The following LDHB variants were observed in gnomAD, a reference collection of about 807,000 sequenced individuals.
LDHB encodes the protein lactate dehydrogenase B, also known as L-lactate dehydrogenase B chain.
A neutral mutation model predicts 33.4 loss-of-function variants in LDHB; 18 were observed. The ratio of observed to expected loss-of-function variants is 0.54; its 90% CI spans 0.37 to 0.80. The LOEUF (loss-of-function observed/expected upper bound fraction) is 0.80, where lower values mean the gene tolerates loss of function less well. Among genes scored for constraint, LDHB ranks in the 30% least tolerant of loss-of-function variants. The pLI is 0.00. For synonymous variants in LDHB, 121 were observed against 140.6 expected (o/e 0.86, Z 0.98); for missense variants, 345 against 407.9 (o/e 0.85, Z 1.33).
intron 3 of LDHB, among the ~76,000 whole-genome samples, chr12:21,645,863 T>C (rs957838594): frequency 2.0e-5 from 3 of 152,178 alleles, no homozygotes; most frequent in African/African-American, 7.2e-5. Context: ...TCCGTGTCTC[T>C]TTTCTCCAGT....
chr12:21,650,731 G>A (rs549260587), intron 2 of LDHB, among the ~76,000 whole-genome samples: 1 of 152,316 alleles, frequency 6.6e-6, no homozygotes, highest in East Asian at 1.9e-4. Context: ...CATGAGTGAA[G>A]CTTACAAGTA....
At chr12:21,650,713 T>C (rs942189385) in intron 2 of LDHB, among the ~76,000 whole-genome samples, 4 of 152,224 alleles carry the variant, frequency 2.6e-5, no homozygotes, top group African/African-American at 9.6e-5. Flanking sequence ...TGACCAAGTT[T>C]GACAAAACAT....
chr12:21,637,230 A>C (rs1246947480), intron 6 of LDHB, 36 bp from the exon 7 acceptor site: 2 of 1,528,508 alleles, frequency 1.3e-6, no homozygotes, highest in African/African-American at 1.4e-5. Context: ...CTGAAATAAG[A>C]CTCAATCATT....
In LDHB at chr12:21,641,935, CTT is replaced by C. The variant is rs79867159; in HGVS notation, c.595+15_595+16del. 2.4e-6 allele frequency: 3 copies of C among 1,275,456 alleles called. No individual in the cohort carries two copies. Among genetic ancestry groups the C allele is most frequent in the Non-Finnish European group, 3.3e-6 (3 of 917,058 alleles). 79.0% of individuals were successfully genotyped at this position (1,275,456 alleles called of 1,614,324 possible). On this transcript the variant is annotated intron_variant, in intron 5 of 7. Coordinates refer to ENST00000350669, the MANE Select transcript of LDHB (RefSeq NM_002300.8). The stretch of plus-strand genomic sequence containing the variant: ...AAACCAACATCACAAGTAATTATTT[CTT>C]TTTTTTTTCTTTACCACTTGAGTCG...
In LDHB at chr12:21,647,027, A is replaced by G; in HGVS notation, c.130-11T>C. 6.4e-7 allele frequency: 1 copy of G among 1,563,226 alleles called. No individual in the cohort carries two copies. The highest frequency in any genetic ancestry group is 8.8e-7 in the Non-Finnish European group (1 of 1,134,262). On this transcript the variant is annotated splice_polypyrimidine_tract_variant and intron_variant, in intron 2 of 7. Coordinates refer to ENST00000350669, the MANE Select transcript of LDHB (RefSeq NM_002300.8). ...TTCATCAGCCAGAGACTGTAAACGC[A>G]AAAACAGGCATTAGAACCCTAAGCC...
chr12:21,638,000 G>A (rs1938263067), intron 6 of LDHB, among the ~76,000 whole-genome samples: 1 of 151,876 alleles, frequency 6.6e-6, no homozygotes, highest in Admixed American at 6.6e-5. Flanking sequence ...CAGCAAGCAA[G>A]TTTATTTATT....
intron 4 of LDHB, chr12:21,643,528 T>G (rs1938429627): frequency 5.6e-6 from 1 of 178,298 alleles, no homozygotes. Context: ...TATGCTTCTT[T>G]TCAAAGTTGA....
intron 2 of LDHB, among the ~76,000 whole-genome samples, chr12:21,652,983 T>C (rs1381428206): frequency 1.3e-5 from 2 of 152,196 alleles, no homozygotes; most frequent in Non-Finnish European, 2.9e-5. Context: ...CCTTTACATA[T>C]GATACAAAGG....
At chr12:21,637,550 A>G (rs1938251393) in intron 6 of LDHB, among the ~76,000 whole-genome samples, 1 of 152,134 alleles carries the variant, frequency 6.6e-6, no homozygotes, top group African/African-American at 2.4e-5. Flanking sequence ...AAAGAACAAA[A>G]TATATCTCAA....
At chr12:21,641,887 A>G in intron 5 of LDHB, 65 bp downstream of exon 5, 1 of 1,381,894 alleles carries the variant, frequency 7.2e-7, no homozygotes, top group South Asian at 1.3e-5. Context: ...AATTTGAAAT[A>G]AAATGAAAAA....
At chr12:21,647,717 G>A (rs1483139043) in intron 2 of LDHB, among the ~76,000 whole-genome samples, 6 of 151,844 alleles carry the variant, frequency 4.0e-5, no homozygotes, top group Non-Finnish European at 5.9e-5. Flanking sequence ...GTCTCGCTCC[G>A]TTGCCGAGGC....
chr12:21,639,437 AT>A (rs1039742486), intron 5 of LDHB, among the ~76,000 whole-genome samples: 12 of 151,626 alleles, frequency 7.9e-5, no homozygotes, highest in African/African-American at 2.9e-4. Flanking sequence ...ACTTTGCCTT[AT>A]TTTTTTTCTC....
chr12:21,652,529 G>A (rs867563127), intron 2 of LDHB, among the ~76,000 whole-genome samples: 13 of 152,206 alleles, frequency 8.5e-5, no homozygotes, highest in Admixed American at 5.9e-4. Context: ...AACAGTGAGC[G>A]TGAAATTGTG....
In LDHB at chr12:21,638,341, C is replaced by A. The variant is rs187534228; in HGVS notation, c.713+12G>T. On this transcript the variant is annotated intron_variant, in intron 6 of 7. Transcript: ENST00000350669. ...AAATTAATCATCTAAAATCAAGTTCCCTTTCACTTACCTTTCAACCACCAT... is the reference window on the plus strand; with the variant it reads ...AAATTAATCATCTAAAATCAAGTTCACTTTCACTTACCTTTCAACCACCAT... 139 of 1,363,228 alleles carry A rather than the reference C, an allele frequency of 1.0e-4. 1 individual carries two copies. The African/African-American group carries it at 1.8e-3, about 18-fold the overall frequency. 84.4% of individuals were successfully genotyped at this position (1,363,228 alleles called of 1,614,324 possible).
At chr12:21,643,861 GTCC>G (rs1938438184) in intron 4 of LDHB, 71 bp downstream of exon 4, 2 of 1,183,320 alleles carry the variant, frequency 1.7e-6, no homozygotes, top group African/African-American at 3.0e-5. Flanking sequence ...ACTGATTTTA[GTCC>G]AAAACAATAA....
At chr12:21,646,393 T>C (rs1001933720) in intron 3 of LDHB, among the ~76,000 whole-genome samples, 15 of 152,364 alleles carry the variant, frequency 9.8e-5, no homozygotes, top group African/African-American at 3.6e-4. Flanking sequence ...ATTTTCTACA[T>C]ACACTTCCAA....
At chr12:21,650,234 A>T (rs1280333453) in intron 2 of LDHB, among the ~76,000 whole-genome samples, 4 of 152,240 alleles carry the variant, frequency 2.6e-5, no homozygotes, top group African/African-American at 9.6e-5. Flanking sequence ...AACTAAATGG[A>T]TATGTGCCAT....
intron 5 of LDHB, among the ~76,000 whole-genome samples, chr12:21,641,536 G>A (rs941102732): frequency 1.3e-5 from 2 of 152,108 alleles, no homozygotes; most frequent in African/African-American, 2.4e-5. Flanking sequence ...AATGGATTCT[G>A]AATTAGGAAA....
chr12:21,639,734 A>G (rs1020559623), intron 5 of LDHB, among the ~76,000 whole-genome samples: 10 of 152,036 alleles, frequency 6.6e-5, no homozygotes. Flanking sequence ...GCCAAGCTTA[A>G]AGTTATGGAG....
Sources: allele counts gnomAD v4.1 joint callset (sites outside exome capture counted in the v4.1 genomes callset), GRCh38; gene constraint gnomAD v4.1.1; transcripts MANE v1.5; gene names NCBI Gene and HGNC (gene_info 2026-07-23, HGNC 2026-07-21).